Variants in RHOBTB3 observed in about 807,000 individuals in gnomAD.
The protein encoded by RHOBTB3 is rho-related BTB domain-containing protein 3.
A neutral mutation model predicts 67.2 loss-of-function variants in RHOBTB3; 47 were observed. That is an observed-to-expected ratio of 0.70 (90% CI 0.55 to 0.89). The LOEUF (loss-of-function observed/expected upper bound fraction) is 0.89. Ranked by LOEUF, RHOBTB3 falls within the 40% of genes least tolerant of loss-of-function variation. The pLI, the probability that RHOBTB3 is intolerant of heterozygous loss-of-function variation, is 0.00. For synonymous variants in RHOBTB3, 273 were observed against 274.2 expected (o/e 1.00, Z 0.04); for missense variants, 631 against 750.0 (o/e 0.84, Z 1.85).
chr5:95,727,948 C>T (rs959481634), upstream of RHOBTB3, among the ~76,000 whole-genome samples: 5 of 152,220 alleles, frequency 3.3e-5, no homozygotes, highest in African/African-American at 1.2e-4. Context: ...TGGTTCCACA[C>T]TGCAGTGCTA....
chr5:95,786,504 A>C (rs1454278150), intron 10 of RHOBTB3, among the ~76,000 whole-genome samples: 3 of 152,242 alleles, frequency 2.0e-5, no homozygotes, highest in African/African-American at 7.2e-5. Context: ...GAGGACTCTT[A>C]AAATACAAGA....
At chr5:95,739,320 G>A (rs552895596) in intron 3 of RHOBTB3, among the ~76,000 whole-genome samples, 5 of 151,996 alleles carry the variant, frequency 3.3e-5, no homozygotes, top group South Asian at 2.1e-4. Flanking sequence ...ATTGGATTTC[G>A]CATTCTAGTC....
chr5:95,768,261 A>AATGATT (rs1438095544), intron 8 of RHOBTB3, 95 bp downstream of exon 8: 1 of 1,220,692 alleles, frequency 8.2e-7, no homozygotes, highest in Non-Finnish European at 1.2e-6. Context: ...GGTGTGAAGG[A>AATGATT]ATGATTATTC....
intron 6 of RHOBTB3, among the ~76,000 whole-genome samples, chr5:95,761,339 C>CTTT (rs766063568): frequency 4.1e-4 from 52 of 125,790 alleles, no homozygotes; most frequent in African/African-American, 4.3e-4. Context: ...CCTTTTTCCT[C>CTTT]TTTTTTTTTT....
chr5:95,781,066 T>C (rs1746033088), intron 9 of RHOBTB3, among the ~76,000 whole-genome samples: 1 of 152,232 alleles, frequency 6.6e-6, no homozygotes, highest in African/African-American at 2.4e-5. Context: ...CAAACATCTG[T>C]GACAGCTCTA....
intron 6 of RHOBTB3, among the ~76,000 whole-genome samples, chr5:95,756,690 A>G (rs1261841929): frequency 2.0e-5 from 3 of 152,094 alleles, no homozygotes; most frequent in Non-Finnish European, 4.4e-5. Flanking sequence ...TTTTAATAGT[A>G]GCCATCTTAA....
upstream of RHOBTB3, chr5:95,730,922 GA>G (rs1561436100): frequency 8.7e-6 from 4 of 459,224 alleles, no homozygotes; most frequent in Non-Finnish European, 1.7e-5. Flanking sequence ...TCAAGGCCAA[GA>G]GGGGGGGAAA....
At chr5:95,772,488 C>T (rs1196108495) in intron 8 of RHOBTB3, among the ~76,000 whole-genome samples, 1 of 151,268 alleles carries the variant, frequency 6.6e-6, no homozygotes, top group Non-Finnish European at 1.5e-5. Context: ...TTTGTCTGCT[C>T]TTTTTTTTTA....
rs767884572 is a variant in RHOBTB3 at position 95,748,311 on chromosome 5, G to T, written c.416-22G>T. ...TTCCTGTTTAATTTCGAAACTCTTTGTTTTAAAATTTGTTTTCTCAGAAGA... is the reference window on the plus strand; with the variant it reads ...TTCCTGTTTAATTTCGAAACTCTTTTTTTTAAAATTTGTTTTCTCAGAAGA... On this transcript the variant is annotated intron_variant, in intron 3 of 11. Transcript: ENST00000379982. 3.2e-6 allele frequency: 5 copies of T among 1,564,338 alleles called. No homozygotes were observed. The African/African-American group carries it at 6.9e-5, about 21-fold the overall frequency.
chr5:95,747,969 A>G (rs1744969444), intron 3 of RHOBTB3, among the ~76,000 whole-genome samples: 1 of 152,222 alleles, frequency 6.6e-6, no homozygotes, highest in East Asian at 1.9e-4. Flanking sequence ...CATGCTCTCC[A>G]TGGCAATCAA....
At chr5:95,767,747 T>C (rs1745590760) in intron 7 of RHOBTB3, 2 of 686,820 alleles carry the variant, frequency 2.9e-6, no homozygotes, top group Non-Finnish European at 5.4e-6. Flanking sequence ...GTTGTCTGTT[T>C]CTCAACAAAG....
At position 95,736,989 on chromosome 5, in the gene RHOBTB3, A is replaced by G; in HGVS notation, c.329A>G (p.Glu110Gly). The part of the protein sequence containing the change: ...YNVNDKFSFH[E>G]VKDNYIPVIK... ...GTTAATGACAAGTTTTCATTCCATGAAGTAAAGGATAATTATATTCCAGTG... is the reference window on the plus strand; with the variant it reads ...GTTAATGACAAGTTTTCATTCCATGGAGTAAAGGATAATTATATTCCAGTG... The change falls in exon 3 of 12, where the codon GAA (glutamate) becomes GGA (glycine). Residue 110 changes from glutamate (E) to glycine (G), a missense_variant. Transcript: ENST00000379982. The G allele has an allele frequency of 6.2e-7, 1 of 1,606,932 alleles. No homozygotes were observed. The highest frequency in any genetic ancestry group is 8.5e-7 in the Non-Finnish European group (1 of 1,173,790).
intron 3 of RHOBTB3, among the ~76,000 whole-genome samples, chr5:95,747,371 C>A (rs1744952220): frequency 6.6e-6 from 1 of 152,206 alleles, no homozygotes; most frequent in South Asian, 2.1e-4. Context: ...AAGATCACTC[C>A]CCAATTAACC....
chr5:95,760,064 G>A (rs72783474), intron 6 of RHOBTB3, among the ~76,000 whole-genome samples: 2,195 of 151,886 alleles, frequency 0.014, 25 homozygotes, highest in Non-Finnish European at 0.023. Flanking sequence ...ATGAACATTT[G>A]GTTCGTTATT....
intron 1 of RHOBTB3, among the ~76,000 whole-genome samples, chr5:95,718,578 C>T (rs926734145): frequency 6.6e-6 from 1 of 152,104 alleles, no homozygotes; most frequent in African/African-American, 2.4e-5. Context: ...CTTTGGAGAG[C>T]CAGGCAATAC....
chr5:95,724,504 A>T (rs1045351924), intron 1 of RHOBTB3, among the ~76,000 whole-genome samples: 9 of 152,220 alleles, frequency 5.9e-5, no homozygotes, highest in Admixed American at 4.6e-4. Flanking sequence ...TTACATAATG[A>T]AGGAGTTAGT....
In RHOBTB3 at chr5:95,745,479, C is replaced by T. The variant is rs958305708; in HGVS notation, c.416-2854C>T. ...AAGACAGGCATCCTTTCAGTTATTT[C>T]TGAAGCTCTGGTAGAGCCTGGTCCT... On this transcript the variant is annotated intron_variant, in intron 3 of 11. Transcript: ENST00000379982. Among the ~76,000 whole-genome samples, 10 of 152,192 alleles carry T rather than the reference C, an allele frequency of 6.6e-5. No individual in the cohort carries two copies. In the South Asian group the frequency reaches 1.5e-3, roughly 22 times the overall value.
In RHOBTB3 at chr5:95,783,846, A is replaced by G. The variant is rs1284380093; in HGVS notation, c.1506A>G (p.Gln502=). ...TCCTGATCTGTGCCGAGATGTACCA[A>G]GTGTCCAGACTGCAGCACATCTGTG... ...MCLLICAEMY[Q]VSRLQHICEL... is the part of the protein sequence containing the mutation. The change falls in exon 10 of 12, where the codon CAA becomes CAG. Residue 502 remains glutamine (Q), a synonymous_variant. Coordinates refer to ENST00000379982, the MANE Select transcript of RHOBTB3 (RefSeq NM_014899.4). The G allele has an allele frequency of 1.9e-6, 3 of 1,613,852 alleles. No individual in the cohort carries two copies. Among genetic ancestry groups the G allele is most frequent in the Non-Finnish European group, 1.7e-6 (2 of 1,179,876 alleles).
chr5:95,737,163 T>C, intron 3 of RHOBTB3, 88 bp downstream of exon 3: 1 of 931,016 alleles, frequency 1.1e-6, no homozygotes, highest in Non-Finnish European at 1.6e-6. Context: ...GATAATAGGG[T>C]TTGTTTTTGA....
Sources: allele counts gnomAD v4.1 joint callset (sites outside exome capture counted in the v4.1 genomes callset), GRCh38; gene constraint gnomAD v4.1.1; transcripts MANE v1.5; gene names NCBI Gene and HGNC (gene_info 2026-07-23, HGNC 2026-07-21).